TNRC18: variants seen among roughly 807,000 people sequenced by gnomAD.
TNRC18 encodes the protein trinucleotide repeat containing 18.
In TNRC18, 69 loss-of-function variants were observed where a neutral mutation model predicts 226.7. The observed-to-expected ratio is 0.30, with a 90% CI of 0.25 to 0.37. TNRC18 has a LOEUF of 0.37. TNRC18 is among the 10% of genes least tolerant of loss of function. The probability of loss-of-function intolerance (pLI) is 1.00; values close to 1 mark genes in which losing one functional copy is unlikely to be tolerated. For synonymous variants in TNRC18, 2,449 were observed against 1,927.6 expected (o/e 1.27, Z -7.09); for missense variants, 4,754 against 4,256.6 (o/e 1.12, Z -3.25).
At position 5,321,057 on chromosome 7, in the gene TNRC18, C is replaced by G; in HGVS notation, c.6560+16G>C. 6.6e-7 allele frequency: 1 copy of G among 1,524,420 alleles called. No individual in the cohort carries two copies. The highest frequency in any genetic ancestry group is 8.9e-7 in the Non-Finnish European group (1 of 1,126,096). The allele number at this position is 1,524,420 out of a possible 1,614,324, so 94.4% of individuals were successfully genotyped here. A position where few individuals can be genotyped will look rare whatever the true frequency, so the allele number is the denominator to read the frequency against. The stretch of plus-strand genomic sequence containing the variant: ...TGGGACACGGGGCTCTGTGCCGGAC[C>G]TCCCACCCCACTCACATGTCTGGCG... On this transcript the variant is annotated intron_variant, in intron 22 of 29. Transcript: ENST00000430969.
intron 18 of TNRC18, among the ~76,000 whole-genome samples, chr7:5,336,369 G>C (rs991491593): frequency 6.6e-6 from 1 of 152,134 alleles, no homozygotes; most frequent in Non-Finnish European, 1.5e-5. Context: ...AATAAAACTT[G>C]TTTTCAATGC....
intron 16 of TNRC18, 81 bp downstream of exon 16, chr7:5,356,835 G>C: frequency 1.4e-6 from 2 of 1,441,116 alleles, no homozygotes; most frequent in Non-Finnish European, 1.8e-6. Context: ...AGGGGCGGGG[G>C]GGGAAGGAGG....
chr7:5,377,958 C>G lies in TNRC18; in HGVS notation c.2219G>C (p.Gly740Ala), dbSNP rs756465468. Residue 740 changes from glycine to alanine, a missense_variant, in exon 6 of 30, where the codon GGG (glycine) becomes GCG (alanine). Coordinates refer to ENST00000430969, the MANE Select transcript of TNRC18 (RefSeq NM_001080495.3). The surrounding 1 kb of genome is among the most constrained non-coding windows in gnomAD (Gnocchi z 5.8). ...CTCCTGATCCCGGTCCAGCCGTGCC[C>G]CGAGCAGCCGTTCCTCCCGGTGTCT... ...RARHREERLLGARLDRDQEKL... is the reference protein window; with the variant it reads ...RARHREERLLAARLDRDQEKL... 15 of 1,613,544 alleles carry G rather than the reference C, an allele frequency of 9.3e-6. No homozygotes were observed. The highest frequency in any genetic ancestry group is 1.3e-5 in the Non-Finnish European group (15 of 1,179,836).
At chr7:5,391,807 G>C (rs1307931128) in intron 3 of TNRC18, among the ~76,000 whole-genome samples, 1 of 144,948 alleles carries the variant, frequency 6.9e-6, no homozygotes, top group African/African-American at 2.6e-5. Context: ...GACCAGCCTG[G>C]GAAACATAGT....
chr7:5,374,619 C>G (rs1006084021), intron 9 of TNRC18, 135 bp from the exon 10 acceptor site: 1 of 863,982 alleles, frequency 1.2e-6, no homozygotes, highest in African/African-American at 1.8e-5. Flanking sequence ...AGGCTGCCCA[C>G]CCCGTCCCAG....
In TNRC18 at chr7:5,313,367, G is replaced by A. The variant is rs571803048; in HGVS notation, c.7524C>T (p.Ala2508=). ...AGGGTGCCTTGGGCTCGCTGCTGCCGGCCGCGGGGGGATAGCTGCCCAGGC... is the reference window on the plus strand; with the variant it reads ...AGGGTGCCTTGGGCTCGCTGCTGCCAGCCGCGGGGGGATAGCTGCCCAGGC... The part of the protein sequence containing the change: ...LLSLGSYPPA[A]GSSEPKAPWP... Residue 2508 remains alanine (A), a synonymous_variant, in exon 27 of 30, where the codon GCC becomes GCT. Coordinates refer to ENST00000430969, the MANE Select transcript of TNRC18 (RefSeq NM_001080495.3). 375 of 1,575,706 alleles carry A rather than the reference G, an allele frequency of 2.4e-4. No homozygotes were observed. The highest frequency in any genetic ancestry group is 8.5e-4 in the African/African-American group (63 of 74,098).
At chr7:5,362,966 T>C (rs1254254666) in intron 11 of TNRC18, 141 bp from the exon 12 acceptor site, 12 of 828,152 alleles carry the variant, frequency 1.4e-5, no homozygotes, top group Non-Finnish European at 2.1e-5. Flanking sequence ...GAGGCCTTTG[T>C]GACATGCCGG....
chr7:5,325,403 C>A, intron 19 of TNRC18, 155 bp from the exon 20 acceptor site: 2 of 790,058 alleles, frequency 2.5e-6, no homozygotes, highest in Non-Finnish European at 1.9e-6. Context: ...TTCCTGCAAG[C>A]GTTTTTGGTT....
intron 2 of TNRC18, among the ~76,000 whole-genome samples, chr7:5,418,528 G>A (rs980990769): frequency 6.6e-6 from 1 of 152,154 alleles, no homozygotes; most frequent in South Asian, 2.1e-4. Context: ...CTCGGCCTAG[G>A]AGGGGCTTTA....
intron 24 of TNRC18, among the ~76,000 whole-genome samples, chr7:5,317,533 G>A (rs1386852066): frequency 6.6e-6 from 1 of 152,074 alleles, no homozygotes; most frequent in Non-Finnish European, 1.5e-5. Context: ...GGAGGCTGCA[G>A]TAAGCTGAAA....
intron 21 of TNRC18, among the ~76,000 whole-genome samples, chr7:5,323,614 G>A (rs1229234208): frequency 1.4e-5 from 2 of 147,626 alleles, no homozygotes; most frequent in African/African-American, 2.5e-5. Flanking sequence ...CCAGGCTGGA[G>A]TGCAATGCAA....
At chr7:5,390,284 G>T in intron 4 of TNRC18, 1 of 584,800 alleles carries the variant, frequency 1.7e-6, no homozygotes, top group South Asian at 2.5e-5. Flanking sequence ...TGCATCATTT[G>T]GGAGTTTGAG....
rs551733487 is a variant in TNRC18, at chr7:5,325,561, C to CT, written c.6148-314dup. 95 of 310,072 alleles carry CT rather than the reference C, an allele frequency of 3.1e-4. 1 individual carries two copies. In the East Asian group the frequency reaches 9.7e-3, roughly 32 times the overall value. The allele number at this position is 310,072 out of a possible 1,614,324, so 19.2% of individuals were successfully genotyped here. ...GCCTCAGCCTCCCGAGTAGCTGGGA[C>CT]TACAGGCACCCGCCACCACACCTGG... On this transcript the variant is annotated intron_variant, in intron 19 of 29. Coordinates refer to ENST00000430969, the MANE Select transcript of TNRC18 (RefSeq NM_001080495.3).
At chr7:5,403,224 G>T (rs1248537073) in intron 2 of TNRC18, among the ~76,000 whole-genome samples, 3 of 150,668 alleles carry the variant, frequency 2.0e-5, no homozygotes, top group African/African-American at 7.4e-5. Context: ...GCAATGGCGT[G>T]ATCTCAGCTC....
chr7:5,355,537 A>C (rs1396779384), intron 16 of TNRC18, among the ~76,000 whole-genome samples: 1 of 152,246 alleles, frequency 6.6e-6, no homozygotes, highest in Non-Finnish European at 1.5e-5. Context: ...TGCTTGCTTA[A>C]GGCCAGGAGT....
chr7:5,388,855 G>T lies in TNRC18; in HGVS notation c.969C>A (p.Thr323=). The T allele has an allele frequency of 4.0e-6, 5 of 1,265,252 alleles. No homozygotes were observed. Among genetic ancestry groups the T allele is most frequent in the Non-Finnish European group, 4.0e-6 (4 of 1,001,888 alleles). 78.4% of individuals were successfully genotyped at this position (1,265,252 alleles called of 1,614,324 possible). ...GGCAGGGGCGCGGCCCAGGGAGCAG[G>T]GTCTCCGTGCGCCGCAGCAGCCGCG... ...EGARLLRRTE[T]LLPGPRPCPS... is the part of the protein sequence containing the mutation. Residue 323 remains threonine (T), a synonymous_variant, in exon 5 of 30, where the codon ACC becomes ACA. Coordinates refer to ENST00000430969, the MANE Select transcript of TNRC18 (RefSeq NM_001080495.3).
Position 5,324,671 on chromosome 7 carries a change from A to C in TNRC18, c.6301-316T>G, listed in dbSNP as rs1788717697. On this transcript the variant is annotated intron_variant, in intron 20 of 29. Coordinates refer to ENST00000430969, the MANE Select transcript of TNRC18 (RefSeq NM_001080495.3). This position sits in a 1 kb window ranked among gnomAD's most constrained non-coding sequence, Gnocchi z 4.8. Reference sequence around the variant, plus strand: ...AGGTGCCTCCGTTCCCTTCTTAGAGAAACTTCAGCAGCATCTCCAGCATTT... The same window carrying C: ...AGGTGCCTCCGTTCCCTTCTTAGAGCAACTTCAGCAGCATCTCCAGCATTT... 6.6e-6 allele frequency among the ~76,000 whole-genome samples: 1 copy of C among 152,180 alleles called. No individual in the cohort carries two copies. The highest frequency in any genetic ancestry group is 2.1e-4 in the South Asian group (1 of 4,828).
At position 5,388,588 on chromosome 7, in the gene TNRC18, C is replaced by T. The variant is rs1780006704; in HGVS notation, c.1236G>A (p.Ala412=). The change falls in exon 5 of 30, where the codon GCG becomes GCA. Residue 412 remains alanine (A), a synonymous_variant. Transcript: ENST00000430969. ...CCAGAGGCCGCGGGGAGCCGGGGGGCGCCTGCAGGACCCCTGGCCTGCCAG... is the reference window on the plus strand; with the variant it reads ...CCAGAGGCCGCGGGGAGCCGGGGGGTGCCTGCAGGACCCCTGGCCTGCCAG... ...REAGRPGVLQ[A]PPGSPRPLDR... The T allele has an allele frequency of 1.5e-6, 2 of 1,298,850 alleles. No individual in the cohort carries two copies. Among genetic ancestry groups the T allele is most frequent in the South Asian group, 1.9e-5 (1 of 53,566 alleles). 80.5% of individuals were successfully genotyped at this position (1,298,850 alleles called of 1,614,324 possible).
intron 14 of TNRC18, among the ~76,000 whole-genome samples, chr7:5,361,171 T>C (rs539976665): frequency 3.3e-4 from 50 of 152,050 alleles, no homozygotes; most frequent in Non-Finnish European, 5.0e-4. Context: ...GGGCCAGCCC[T>C]GGTCTCGGGG....
Sources: gnomAD v4.1 joint callset for allele counts (sites outside exome capture counted in the v4.1 genomes callset) on GRCh38, gnomAD v4.1.1 for gene constraint, Gnocchi (gnomAD v3.1) non-coding constraint, MANE v1.5 for transcripts, NCBI Gene and HGNC (gene_info 2026-07-23, HGNC 2026-07-21) for gene names.